EML4: variants seen among roughly 807,000 people sequenced by gnomAD.
The protein encoded by EML4 is EMAP like 4, also known as echinoderm microtubule-associated protein-like 4.
Under a neutral mutation model 129.0 loss-of-function variants are expected in EML4, and 72 were observed. The ratio of observed to expected loss-of-function variants is 0.56; its 90% CI spans 0.46 to 0.68. The LOEUF is 0.68. Ranked by LOEUF, EML4 falls within the 30% of genes least tolerant of loss-of-function variation. EML4 has a pLI of 0.00. For synonymous variants in EML4, 532 were observed against 405.0 expected (o/e 1.31, Z -3.77); for missense variants, 1,363 against 1,190.6 (o/e 1.14, Z -2.13).
chr2:42,186,254 T>G (rs1390745251), intron 1 of EML4, among the ~76,000 whole-genome samples: 4 of 152,174 alleles, frequency 2.6e-5, no homozygotes, highest in African/African-American at 4.8e-5. Flanking sequence ...TACTATGCAC[T>G]TTTATTTCCC....
At chr2:42,303,818 G>A (rs1285197267) in intron 16 of EML4, among the ~76,000 whole-genome samples, 1 of 152,152 alleles carries the variant, frequency 6.6e-6, no homozygotes, top group Non-Finnish European at 1.5e-5. Context: ...CCAGCTACTC[G>A]AGAGGCTGAG....
intron 1 of EML4, among the ~76,000 whole-genome samples, chr2:42,189,074 C>G (rs1433503942): frequency 6.6e-6 from 1 of 152,026 alleles, no homozygotes; most frequent in Admixed American, 6.6e-5. Flanking sequence ...ACTTTGTTGC[C>G]TAGGCTGGTC....
chr2:42,271,825 G>C (rs187162819), intron 6 of EML4, among the ~76,000 whole-genome samples: 1 of 152,206 alleles, frequency 6.6e-6, no homozygotes, highest in Admixed American at 6.5e-5. Context: ...TGTCCAGGCC[G>C]GGCACAGTGG....
intron 6 of EML4, among the ~76,000 whole-genome samples, chr2:42,266,615 A>C (rs1301548730): frequency 6.6e-6 from 1 of 150,752 alleles, no homozygotes; most frequent in Non-Finnish European, 1.5e-5. Context: ...AAGTGTTGGG[A>C]TTACAGGCGT....
At chr2:42,179,448 G>C (rs1160626683) in intron 1 of EML4, among the ~76,000 whole-genome samples, 1 of 152,100 alleles carries the variant, frequency 6.6e-6, no homozygotes, top group Non-Finnish European at 1.5e-5. Flanking sequence ...ATGGTGGTAA[G>C]TATTGCATTA....
chr2:42,255,923 C>G (rs7589826), intron 2 of EML4, among the ~76,000 whole-genome samples: 3,490 of 152,274 alleles, frequency 0.023, 120 homozygotes, highest in African/African-American at 0.08. Context: ...ATTCCCAAAT[C>G]TTTACTTGAC....
In EML4 at chr2:42,295,338, C is replaced by T. The variant is rs1553388302; in HGVS notation, c.1354-43C>T. ...AATTGTTTAATAAGCATCAAGTTGT[C>T]ATGGCAAAAAGAAAACTGAAAATTT... On this transcript the variant is annotated intron_variant, in intron 12 of 22. Coordinates refer to ENST00000318522, the MANE Select transcript of EML4 (RefSeq NM_019063.5). The T allele has an allele frequency of 8.1e-6, 13 of 1,604,988 alleles. No individual in the cohort carries two copies. In the South Asian group the frequency reaches 1.5e-4, roughly 18 times the overall value.
rs182055311 is a variant in EML4, at chr2:42,288,414, C to T, written c.1218+92C>T. 1.7e-4 allele frequency: 98 copies of T among 570,966 alleles called. 1 individual carries two copies. The East Asian group carries it at 2.6e-3, about 15-fold the overall frequency. 35.4% of individuals were successfully genotyped at this position (570,966 alleles called of 1,614,324 possible). ...TATATTGGTATTAGAACTATCTATT[C>T]GTAAGTCGCAAAAGCAGATCTACTA... On this transcript the variant is annotated intron_variant, in intron 11 of 22. Transcript: ENST00000318522.
At chr2:42,188,482 A>C (rs1671394504) in intron 1 of EML4, among the ~76,000 whole-genome samples, 1 of 152,074 alleles carries the variant, frequency 6.6e-6, no homozygotes, top group Admixed American at 6.6e-5. Context: ...TCAGCCTCTC[A>C]AAGTGCTGGG....
At chr2:42,226,058 C>T (rs1174783810) in intron 1 of EML4, among the ~76,000 whole-genome samples, 1 of 151,780 alleles carries the variant, frequency 6.6e-6, no homozygotes. Context: ...TTACTCATAC[C>T]TTTATGGTAA....
Position 42,329,984 on chromosome 2 carries a change from A to T in EML4, c.2723A>T (p.Glu908Val), listed in dbSNP as rs577330885. Residue 908 changes from glutamate to valine, a missense_variant, in exon 23 of 23, where the codon GAG (glutamate) becomes GTG (valine). By Grantham distance (121) the Glu-to-Val change is moderately radical. Transcript: ENST00000318522. ...CCGCCTCCTTCTCAGCCCTTAAATG[A>T]GACAGCTGAAGAGGAAAGTAGAATA... ...PTPPPSQPLN[E>V]TAEEESRISS... 6.8e-6 allele frequency: 11 copies of T among 1,613,956 alleles called. 1 individual carries two copies. In the African/African-American group the frequency reaches 8.0e-5, roughly 12 times the overall value.
At chr2:42,315,691 TAGTA>T (rs1332623435) in intron 17 of EML4, among the ~76,000 whole-genome samples, 2 of 152,106 alleles carry the variant, frequency 1.3e-5, no homozygotes, top group South Asian at 2.1e-4. Flanking sequence ...CCAGATAACA[TAGTA>T]AGACCCCATC....
In EML4 at chr2:42,229,309, T is replaced by G. The variant is rs562377672; in HGVS notation, c.26-16196T>G. ...TTAGCTTCATTTTAAAGATGGAGAA[T>G]CTGAGGCATGAAGAAGTTAAGAAAC... On this transcript the variant is annotated intron_variant, in intron 1 of 22. Coordinates refer to ENST00000318522, the MANE Select transcript of EML4 (RefSeq NM_019063.5). Among the ~76,000 whole-genome samples the G allele has an allele frequency of 3.3e-5, 5 of 152,308 alleles. No individual in the cohort carries two copies. In the East Asian group the frequency reaches 9.6e-4, roughly 29 times the overall value.
intron 6 of EML4, among the ~76,000 whole-genome samples, chr2:42,273,933 C>T (rs1666512884): frequency 6.6e-6 from 1 of 152,058 alleles, no homozygotes; most frequent in Non-Finnish European, 1.5e-5. Context: ...GAATTATAAC[C>T]AGAAAATAAC....
chr2:42,309,617 G>C (rs1038271477), intron 17 of EML4, among the ~76,000 whole-genome samples: 45 of 151,996 alleles, frequency 3.0e-4, no homozygotes, highest in African/African-American at 1.0e-3. Context: ...TTTTCATTAT[G>C]CTTTTGATTT....
At position 42,264,736 on chromosome 2, in the gene EML4, A is replaced by T; in HGVS notation, c.667+5A>T. 6.8e-7 allele frequency: 1 copy of T among 1,459,996 alleles called. No homozygotes were observed. Among genetic ancestry groups the T allele is most frequent in the Non-Finnish European group, 9.5e-7 (1 of 1,055,986 alleles). The allele number at this position is 1,459,996 out of a possible 1,614,324, so 90.4% of individuals were successfully genotyped here. A position where few individuals can be genotyped will look rare whatever the true frequency, so the allele number is the denominator to read the frequency against. ...AAGATGTCATCATCAACCAAGGTAA[A>T]TTAAAAATCCTTTTAAAAATTTTAT... On this transcript the variant is annotated splice_donor_5th_base_variant and intron_variant, in intron 6 of 22. Transcript: ENST00000318522.
intron 13 of EML4, among the ~76,000 whole-genome samples, chr2:42,298,297 T>C (rs938451363): frequency 1.3e-5 from 2 of 152,190 alleles, no homozygotes; most frequent in Non-Finnish European, 2.9e-5. Context: ...AAACTTGCTT[T>C]TTATGGAAGC....
intron 13 of EML4, 140 bp downstream of exon 13, chr2:42,295,656 C>T (rs982426648): frequency 4.9e-5 from 31 of 637,178 alleles, no homozygotes; most frequent in Non-Finnish European, 7.2e-5. Context: ...TTTCAGCATT[C>T]TTCATAATCT....
intron 16 of EML4, 150 bp downstream of exon 16, chr2:42,303,596 G>A (rs969966885): frequency 1.6e-5 from 14 of 890,866 alleles, no homozygotes; most frequent in Non-Finnish European, 2.2e-5. Context: ...AGAGGGTAGC[G>A]TTTAGTCTTA....
Sources: allele counts gnomAD v4.1 joint callset (sites outside exome capture counted in the v4.1 genomes callset), GRCh38; gene constraint gnomAD v4.1.1; transcripts MANE v1.5; gene names NCBI Gene and HGNC (gene_info 2026-07-23, HGNC 2026-07-21).